LOC128462377: variants seen among roughly 807,000 people sequenced by gnomAD.
At chr16:89,347,385 G>T in the LOC128462377 span, among the ~76,000 whole-genome samples, 2 of 152,216 alleles carry the variant, frequency 1.3e-5, no homozygotes, top group South Asian at 4.2e-4. Context: ...CAAGATAGGC[G>T]GATCACGAGG....
chr16:89,334,145 A>T, the LOC128462377 span, among the ~76,000 whole-genome samples: 381 of 77,144 alleles, frequency 4.9e-3, 22 homozygotes, highest in African/African-American at 0.019. Context: ...CCTGTGTTTT[A>T]AAAAAAAAAA....
At chr16:89,327,054 A>AAATGCAGAGGTGGGG in the LOC128462377 span, among the ~76,000 whole-genome samples, 187 of 38,764 alleles carry the variant, frequency 4.8e-3, 7 homozygotes, top group South Asian at 0.11. Context: ...CAGAGGTGGG[A>AAATGCAGAGGTGGGG]AATGCAGAGG....
chr16:89,386,514 G>A, the LOC128462377 span, among the ~76,000 whole-genome samples: 1 of 152,174 alleles, frequency 6.6e-6, no homozygotes, highest in African/African-American at 2.4e-5. Flanking sequence ...AGGGTGTGGG[G>A]GAAAGGGGGC....
chr16:89,410,249 T>C, the LOC128462377 span, among the ~76,000 whole-genome samples: 6 of 152,300 alleles, frequency 3.9e-5, no homozygotes, highest in East Asian at 1.2e-3. Context: ...GAGTGTCACC[T>C]AAAGCCTCAT....
At chr16:89,383,342 C>CA in the LOC128462377 span, among the ~76,000 whole-genome samples, 1 of 152,244 alleles carries the variant, frequency 6.6e-6, no homozygotes, top group East Asian at 1.9e-4. Flanking sequence ...GGAGGGGCAG[C>CA]AGCAGCCCCA....
the LOC128462377 span, among the ~76,000 whole-genome samples, chr16:89,349,410 G>A: frequency 6.6e-6 from 1 of 152,006 alleles, no homozygotes; most frequent in African/African-American, 2.4e-5. Context: ...AACCCGGGAG[G>A]CGGAGCTTAC....
chr16:89,386,556 C>T, the LOC128462377 span, among the ~76,000 whole-genome samples: 3 of 152,202 alleles, frequency 2.0e-5, no homozygotes, highest in African/African-American at 7.2e-5. Flanking sequence ...TGGCCCGCAA[C>T]GACCTTGCAT....
At chr16:89,395,228 T>C in the LOC128462377 span, among the ~76,000 whole-genome samples, 1 of 152,218 alleles carries the variant, frequency 6.6e-6, no homozygotes, top group Non-Finnish European at 1.5e-5. Context: ...GAAAGAATTA[T>C]GCAAGCCAAG....
the LOC128462377 span, among the ~76,000 whole-genome samples, chr16:89,413,153 A>G: frequency 6.6e-6 from 1 of 152,224 alleles, no homozygotes; most frequent in African/African-American, 2.4e-5. Context: ...AGCATCTTCT[A>G]TAAGTTACTG....
chr16:89,417,653 A>C, the LOC128462377 span, among the ~76,000 whole-genome samples: 1 of 152,184 alleles, frequency 6.6e-6, no homozygotes, highest in East Asian at 1.9e-4. Flanking sequence ...AGCCATCTAG[A>C]GGGTTCAGCA....
the LOC128462377 span, chr16:89,395,902 C>G: frequency 3.9e-5 from 6 of 152,340 alleles, no homozygotes; most frequent in African/African-American, 1.4e-4. Context: ...CAGCATTCAT[C>G]TTGTGCATAT....
At chr16:89,393,619 G>A in the LOC128462377 span, among the ~76,000 whole-genome samples, 1 of 151,880 alleles carries the variant, frequency 6.6e-6, no homozygotes, top group Non-Finnish European at 1.5e-5. Flanking sequence ...TGGGATTACA[G>A]GAGGAAGCCA....
chr16:89,402,033 C>G, the LOC128462377 span, among the ~76,000 whole-genome samples: 1 of 151,376 alleles, frequency 6.6e-6, no homozygotes, highest in African/African-American at 2.4e-5. Context: ...TGTGAAAGCT[C>G]CTGGTCTGTG....
the LOC128462377 span, among the ~76,000 whole-genome samples, chr16:89,346,992 T>C: frequency 3.9e-5 from 6 of 152,224 alleles, no homozygotes; most frequent in Non-Finnish European, 8.8e-5. Flanking sequence ...GCGAACTGTC[T>C]GCGAAGCAAA....
the LOC128462377 span, among the ~76,000 whole-genome samples, chr16:89,414,565 G>C: frequency 6.6e-6 from 1 of 152,348 alleles, no homozygotes; most frequent in Admixed American, 6.5e-5. Flanking sequence ...TTTCTGTAAA[G>C]TGTTATTTAA....
the LOC128462377 span, among the ~76,000 whole-genome samples, chr16:89,342,381 T>C: frequency 6.6e-6 from 1 of 152,144 alleles, no homozygotes; most frequent in South Asian, 2.1e-4. Flanking sequence ...TCCCCAGAGA[T>C]GTTGAGGCCT....
chr16:89,324,503 T>C, the LOC128462377 span: 1 of 456,320 alleles, frequency 2.2e-6, no homozygotes, highest in Middle Eastern at 3.3e-4. Flanking sequence ...CCTGGGAGCA[T>C]CTTGAGGAAG....
chr16:89,352,768 T>C, the LOC128462377 span, among the ~76,000 whole-genome samples: 2 of 152,204 alleles, frequency 1.3e-5, no homozygotes, highest in African/African-American at 4.8e-5. Context: ...CCAGGCAGAT[T>C]CTTGAGTGCG....
the LOC128462377 span, chr16:89,329,062 A>T: frequency 6.5e-6 from 1 of 153,266 alleles, no homozygotes; most frequent in Non-Finnish European, 1.5e-5. Context: ...GCACGGGCGA[A>T]TCAGCGGAGG....
Sources: allele counts gnomAD v4.1 joint callset (sites outside exome capture counted in the v4.1 genomes callset), GRCh38; gene constraint gnomAD v4.1.1; transcripts MANE v1.5.